The following EFHC1 variants were observed in gnomAD, a reference collection of about 807,000 sequenced individuals.
EFHC1 encodes EF-hand domain containing 1.
Under a neutral mutation model 69.9 loss-of-function variants are expected in EFHC1, and 53 were observed. The ratio of observed to expected loss-of-function variants is 0.76; its 90% CI spans 0.61 to 0.95. The LOEUF (loss-of-function observed/expected upper bound fraction) is 0.95. Ranked by LOEUF, EFHC1 falls within the 40% of genes least tolerant of loss-of-function variation. The pLI is 0.00. For missense variants in EFHC1, 739 were observed against 798.7 expected (o/e 0.93, Z 0.90); for synonymous variants, 256 against 278.4 (o/e 0.92, Z 0.80).
intron 9 of EFHC1, chr6:52,482,820 G>A (rs1765708484): frequency 2.5e-6 from 1 of 398,562 alleles, no homozygotes; most frequent in Non-Finnish European, 4.4e-6. Flanking sequence ...TGCACATCCA[G>A]ATTCTCTTGA....
At chr6:52,442,154 G>A (rs901508875) in intron 3 of EFHC1, among the ~76,000 whole-genome samples, 4 of 152,066 alleles carry the variant, frequency 2.6e-5, no homozygotes, top group Non-Finnish European at 5.9e-5. Flanking sequence ...AGAAGTTGTG[G>A]AAGAGGGCAT....
chr6:52,463,493 T>C (rs1581837229), intron 5 of EFHC1, among the ~76,000 whole-genome samples: 1 of 152,212 alleles, frequency 6.6e-6, no homozygotes, highest in South Asian at 2.1e-4. Flanking sequence ...CAGGTAATTC[T>C]AAGCTTAACA....
At chr6:52,451,444 G>T (rs953529386) in intron 3 of EFHC1, among the ~76,000 whole-genome samples, 1 of 152,176 alleles carries the variant, frequency 6.6e-6, no homozygotes, top group Non-Finnish European at 1.5e-5. Context: ...TCTTCTTTAA[G>T]AATGTTGAAT....
At chr6:52,444,571 G>A (rs1296954783) in intron 3 of EFHC1, among the ~76,000 whole-genome samples, 4 of 152,144 alleles carry the variant, frequency 2.6e-5, no homozygotes, top group South Asian at 2.1e-4. Flanking sequence ...CTTTGGTTCC[G>A]TTTATATGAT....
In EFHC1 at chr6:52,438,601, A is replaced by G. The variant is rs9349626; in HGVS notation, c.573+10A>G. ...TGACCAATTCACACAGGTATAGCAT[A>G]TATTTTTGAAAGTTGTGGGGTCTGA... On this transcript the variant is annotated intron_variant, in intron 3 of 10. Transcript: ENST00000371068. 332,681 of 1,613,142 alleles carry G rather than the reference A, an allele frequency of 0.21. 37,413 individuals carry two copies. The highest frequency in any genetic ancestry group is 0.42 in the Admixed American group (25,357 of 59,914).
At chr6:52,420,744 C>T (rs1764171951) in intron 1 of EFHC1, among the ~76,000 whole-genome samples, 1 of 152,132 alleles carries the variant, frequency 6.6e-6, no homozygotes, top group Non-Finnish European at 1.5e-5. Flanking sequence ...CCTTCATTCT[C>T]ATCCCGTTAG....
intron 7 of EFHC1, among the ~76,000 whole-genome samples, chr6:52,477,524 C>G (rs1765569573): frequency 1.3e-5 from 2 of 152,104 alleles, no homozygotes; most frequent in South Asian, 4.1e-4. Flanking sequence ...GAAAAAGTCT[C>G]ATCTGACAAA....
rs779291239 is a variant in EFHC1 at position 52,479,119 on chromosome 6, C to G, written c.1361C>G (p.Pro454Arg). 1.9e-6 allele frequency: 3 copies of G among 1,614,128 alleles called. No homozygotes were observed. The South Asian group carries it at 3.3e-5, about 18-fold the overall frequency. The change falls in exon 8 of 11, where the codon CCT becomes CGT. Residue 454 changes from proline (P) to arginine (R), a missense_variant. Coordinates refer to ENST00000371068, the MANE Select transcript of EFHC1 (RefSeq NM_018100.4). Reference protein sequence around the residue: ...LATDMISIFEPPVRNSGIIGG... With the variant: ...LATDMISIFERPVRNSGIIGG... ...ACCGACATGATCAGTATCTTTGAGC[C>G]TCCTGTTCGCAATTCTGGTATCATT... is the stretch of plus-strand genomic sequence containing the variant.
At chr6:52,431,737 A>C (rs890717198) in intron 2 of EFHC1, among the ~76,000 whole-genome samples, 1 of 152,146 alleles carries the variant, frequency 6.6e-6, no homozygotes, top group Non-Finnish European at 1.5e-5. Flanking sequence ...GGTATAGTTT[A>C]AATCCATTGT....
intron 2 of EFHC1, among the ~76,000 whole-genome samples, chr6:52,424,989 T>C (rs1253584479): frequency 6.6e-6 from 1 of 152,240 alleles, no homozygotes; most frequent in Non-Finnish European, 1.5e-5. Context: ...TTTTATTTTA[T>C]TATTCCTGTT....
At chr6:52,434,311 C>A (rs761215298) in intron 2 of EFHC1, among the ~76,000 whole-genome samples, 2 of 152,204 alleles carry the variant, frequency 1.3e-5, no homozygotes, top group Non-Finnish European at 2.9e-5. Context: ...TGAAGCAAGG[C>A]AGAAATGGCT....
Position 52,490,147 on chromosome 6 carries a change from A to G in EFHC1, c.1648A>G (p.Thr550Ala). Residue 550 changes from threonine to alanine, a missense_variant, in exon 10 of 11, where the codon ACT becomes GCT. Physicochemically the swap from Thr to Ala is moderately conservative, Grantham distance 58. Transcript: ENST00000371068. ...APAPEAESKQ[T>A]EKDPGVQELE... ...TCCTTCCTTTCTCTACAGCAAGCAA[A>G]CTGAAAAGGATCCAGGCGTGCAGGA... 1 of 1,613,920 alleles carries G rather than the reference A, an allele frequency of 6.2e-7. No individual in the cohort carries two copies. Among genetic ancestry groups the G allele is most frequent in the Non-Finnish European group, 8.5e-7 (1 of 1,179,894 alleles).
In EFHC1 at chr6:52,493,694, C is replaced by G. The variant is rs999427848; in HGVS notation, c.*1353C>G. The G allele has an allele frequency of 2.2e-6, 1 of 453,624 alleles. No individual in the cohort carries two copies. Among genetic ancestry groups the G allele is most frequent in the Non-Finnish European group, 4.4e-6 (1 of 226,700 alleles). 28.1% of individuals were successfully genotyped at this position (453,624 alleles called of 1,614,324 possible). ...TTAGAAAAATGCTGCTTTTAGAGAG[C>G]CTGGCCTTGAGAGAGGAAGGAAAGA... On this transcript the variant is annotated 3_prime_UTR_variant, in exon 11 of 11. Coordinates refer to ENST00000371068, the MANE Select transcript of EFHC1 (RefSeq NM_018100.4).
rs1182242694 is a variant in EFHC1 at position 52,494,960 on chromosome 6, T to C, written c.*2619T>C. On this transcript the variant is annotated 3_prime_UTR_variant, in exon 11 of 11. Transcript: ENST00000371068. ...AATCCACCATTGATTGGCACCTAGG[T>C]TGATTCCATGTCCTTTGCTCAGAGC... 1 of 453,984 alleles carries C rather than the reference T, an allele frequency of 2.2e-6. No homozygotes were observed. Among genetic ancestry groups the C allele is most frequent in the Non-Finnish European group, 4.4e-6 (1 of 226,710 alleles). The allele number at this position is 453,984 out of a possible 1,614,324, so 28.1% of individuals were successfully genotyped here. A position where few individuals can be genotyped will look rare whatever the true frequency, so the allele number is the denominator to read the frequency against.
intron 5 of EFHC1, among the ~76,000 whole-genome samples, chr6:52,456,271 G>C (rs888627792): frequency 1.3e-5 from 2 of 152,156 alleles, no homozygotes; most frequent in Non-Finnish European, 2.9e-5. Flanking sequence ...CTTATAATCA[G>C]TTCTCTACAG....
chr6:52,470,741 A>G (rs1452624636), intron 7 of EFHC1, among the ~76,000 whole-genome samples: 2 of 152,208 alleles, frequency 1.3e-5, no homozygotes, highest in Non-Finnish European at 2.9e-5. Flanking sequence ...GTAAACTGCA[A>G]AATTGTAAGC....
chr6:52,454,476 A>G (rs1258496353), intron 5 of EFHC1, among the ~76,000 whole-genome samples, 189 bp downstream of exon 5: 1 of 152,172 alleles, frequency 6.6e-6, no homozygotes, highest in Non-Finnish European at 1.5e-5. Context: ...CCCCCAAGAC[A>G]GTCTGGTACC....
At chr6:52,475,973 A>T (rs1765536793) in intron 7 of EFHC1, among the ~76,000 whole-genome samples, 1 of 152,230 alleles carries the variant, frequency 6.6e-6, no homozygotes, top group African/African-American at 2.4e-5. Context: ...CTCTCTGAGG[A>T]GGTCATAGCA....
intron 9 of EFHC1, chr6:52,483,594 C>G (rs575205663): frequency 2.0e-5 from 3 of 152,108 alleles, no homozygotes; most frequent in Admixed American, 6.6e-5. Flanking sequence ...GTGTTCGCGT[C>G]GTTGCTGTGG....
Sources: allele counts gnomAD v4.1 joint callset (sites outside exome capture counted in the v4.1 genomes callset), GRCh38; gene constraint gnomAD v4.1.1; transcripts MANE v1.5; gene names NCBI Gene and HGNC (gene_info 2026-07-23, HGNC 2026-07-21).